The following MMP16 variants were observed in gnomAD, a reference collection of about 807,000 sequenced individuals.
The protein encoded by MMP16 is matrix metallopeptidase 16.
MMP16 carries 12 observed loss-of-function variants against 67.8 expected under a neutral mutation model. The ratio of observed to expected loss-of-function variants is 0.18; its 90% CI spans 0.11 to 0.29. The LOEUF is 0.29. MMP16 is among the 10% of genes least tolerant of loss of function. MMP16 has a pLI of 1.00. For synonymous variants in MMP16, 249 were observed against 255.9 expected, an observed-to-expected ratio of 0.97 and a Z score of 0.26; for missense variants, 475 against 765.7, an observed-to-expected ratio of 0.62 and a Z score of 4.48.
At chr8:88,299,464 CT>C (rs1351532277) in intron 1 of MMP16, among the ~76,000 whole-genome samples, 1 of 152,106 alleles carries the variant, frequency 6.6e-6, no homozygotes, top group Non-Finnish European at 1.5e-5. Flanking sequence ...CCATCACCCA[CT>C]TCTTCCTAAT....
chr8:88,271,392 G>C (rs897609242), intron 1 of MMP16, among the ~76,000 whole-genome samples: 1 of 152,328 alleles, frequency 6.6e-6, no homozygotes, highest in South Asian at 2.1e-4. Context: ...GTTTGTTGCA[G>C]AGTATACAAG....
intron 7 of MMP16, among the ~76,000 whole-genome samples, chr8:88,068,037 T>C (rs1808485010): frequency 6.6e-6 from 1 of 152,178 alleles, no homozygotes; most frequent in Non-Finnish European, 1.5e-5. Flanking sequence ...TAGCAATATA[T>C]GACAGTTACA....
chr8:88,167,628 A>G (rs187334091), intron 4 of MMP16, 41 bp downstream of exon 4: 30 of 1,496,360 alleles, frequency 2.0e-5, no homozygotes, highest in Admixed American at 4.5e-5. Flanking sequence ...TTCTGAAATA[A>G]TAATAGAAAT....
At chr8:88,207,918 A>C (rs1419488357) in intron 1 of MMP16, among the ~76,000 whole-genome samples, 2 of 152,178 alleles carry the variant, frequency 1.3e-5, no homozygotes, top group African/African-American at 2.4e-5. Flanking sequence ...AATTAAAGCA[A>C]AAGGAAGGTG....
intron 6 of MMP16, among the ~76,000 whole-genome samples, chr8:88,075,640 T>C (rs1246699722): frequency 6.6e-6 from 1 of 152,168 alleles, no homozygotes; most frequent in Admixed American, 6.6e-5. Context: ...CTCAGTGTTT[T>C]AACATTTAAA....
chr8:88,046,898 T>C (rs1808206066), intron 8 of MMP16, 114 bp from the exon 9 acceptor site: 1 of 580,246 alleles, frequency 1.7e-6, no homozygotes, highest in South Asian at 2.6e-5. Flanking sequence ...TGCTTGACTT[T>C]GTTACCTGTG....
chr8:88,096,720 T>C (rs1809032861), intron 6 of MMP16, among the ~76,000 whole-genome samples: 1 of 151,900 alleles, frequency 6.6e-6, no homozygotes, highest in African/African-American at 2.4e-5. Context: ...AAGGAATTTG[T>C]TAAATATGCA....
intron 3 of MMP16, among the ~76,000 whole-genome samples, chr8:88,173,243 G>A (rs1808833630): frequency 6.6e-6 from 1 of 152,040 alleles, no homozygotes; most frequent in Non-Finnish European, 1.5e-5. Flanking sequence ...GTAGAGACAG[G>A]GTTTTGCCAT....
intron 1 of MMP16, among the ~76,000 whole-genome samples, chr8:88,302,003 G>C (rs1811111880): frequency 6.6e-6 from 1 of 152,170 alleles, no homozygotes; most frequent in African/African-American, 2.4e-5. Flanking sequence ...TATGATGCCA[G>C]AATGCCTGCT....
intron 1 of MMP16, among the ~76,000 whole-genome samples, chr8:88,199,831 A>G (rs879690336): frequency 3.3e-5 from 5 of 152,024 alleles, no homozygotes; most frequent in African/African-American, 7.2e-5. Flanking sequence ...GTCTTAAAAT[A>G]CTTCATCTCC....
At chr8:88,146,804 A>G (rs1808297690) in intron 4 of MMP16, among the ~76,000 whole-genome samples, 1 of 151,780 alleles carries the variant, frequency 6.6e-6, no homozygotes, top group African/African-American at 2.4e-5. Flanking sequence ...AAAAAAAACT[A>G]TTTGGTAAAT....
chr8:88,042,143 T>C (rs528689488), intron 9 of MMP16, among the ~76,000 whole-genome samples: 2 of 152,168 alleles, frequency 1.3e-5, no homozygotes, highest in Non-Finnish European at 2.9e-5. Flanking sequence ...CAAAATTACA[T>C]ATTAGTGTGA....
chr8:88,273,239 C>A (rs1810594430), intron 1 of MMP16, among the ~76,000 whole-genome samples: 1 of 142,258 alleles, frequency 7.0e-6, no homozygotes, highest in Admixed American at 7.4e-5. Flanking sequence ...CACGTGCCAC[C>A]ATGCCTGGCT....
rs1249381420 is a variant in MMP16 at position 88,073,271 on chromosome 8, T to C, written c.1222+1334A>G. Among the ~76,000 whole-genome samples the C allele has an allele frequency of 3.9e-5, 6 of 152,334 alleles. No individual in the cohort carries two copies. The South Asian group carries it at 6.2e-4, about 16-fold the overall frequency. ...TGTGGTGCGGTGCACCGCCACTTTT[T>C]TATATGCTTATTATAGACAGCAGGA... On this transcript the variant is annotated intron_variant, in intron 7 of 9. Transcript: ENST00000286614.
chr8:88,036,393 TC>T lies in MMP16; in HGVS notation c.*5067del, dbSNP rs1220030553. ...TATTTAACAAAAGACTCATTTTTCC[TC>T]CTCCATTTCCATCATATTATATAAA... On this transcript the variant is annotated 3_prime_UTR_variant, in exon 10 of 10. Coordinates refer to ENST00000286614, the MANE Select transcript of MMP16 (RefSeq NM_005941.5). 1.3e-5 allele frequency: 2 copies of T among 151,878 alleles called. No individual in the cohort carries two copies. The highest frequency in any genetic ancestry group is 4.8e-5 in the African/African-American group (2 of 41,402). The allele number at this position is 151,878 out of a possible 1,614,324, so 9.4% of individuals were successfully genotyped here. A position where few individuals can be genotyped will look rare whatever the true frequency, so the allele number is the denominator to read the frequency against.
intron 1 of MMP16, among the ~76,000 whole-genome samples, chr8:88,257,665 A>C (rs1810324196): frequency 6.6e-6 from 1 of 152,212 alleles, no homozygotes; most frequent in African/African-American, 2.4e-5. Context: ...TTGTTCACCA[A>C]TGCATTATAA....
At chr8:88,269,526 A>G (rs1810532007) in intron 1 of MMP16, among the ~76,000 whole-genome samples, 1 of 152,212 alleles carries the variant, frequency 6.6e-6, no homozygotes, top group South Asian at 2.1e-4. Flanking sequence ...TTCAATATGA[A>G]CAAGTAAACT....
intron 1 of MMP16, among the ~76,000 whole-genome samples, chr8:88,205,566 T>C (rs1809413365): frequency 6.6e-6 from 1 of 152,158 alleles, no homozygotes; most frequent in South Asian, 2.1e-4. Context: ...CCAGCCTAAT[T>C]AATATTCTTA....
rs1204067109 is a variant in MMP16 at position 88,161,405 on chromosome 8, A to AT, written c.709+6263dup. On this transcript the variant is annotated intron_variant, in intron 4 of 9. Coordinates refer to ENST00000286614, the MANE Select transcript of MMP16 (RefSeq NM_005941.5). Reference sequence around the variant, plus strand: ...GATCAGTGGTGACATCCCCTTTATCATTTTTTTATTGCGTCTATTTGATTC... The same window carrying AT: ...GATCAGTGGTGACATCCCCTTTATCATTTTTTTTATTGCGTCTATTTGATTC... Among the ~76,000 whole-genome samples the AT allele has an allele frequency of 4.0e-5, 6 of 151,728 alleles. No individual in the cohort carries two copies. In the South Asian group the frequency reaches 6.3e-4, roughly 16 times the overall value.
Sources: allele counts gnomAD v4.1 joint callset (sites outside exome capture counted in the v4.1 genomes callset), GRCh38; gene constraint gnomAD v4.1.1; transcripts MANE v1.5; gene names NCBI Gene and HGNC (gene_info 2026-07-23, HGNC 2026-07-21).